Variants in TMOD3 observed in about 807,000 individuals in gnomAD.
The protein encoded by TMOD3 is tropomodulin 3.
TMOD3 carries 20 observed loss-of-function variants against 39.2 expected under a neutral mutation model. The observed-to-expected ratio is 0.51, with a 90% CI of 0.36 to 0.74. TMOD3 has a LOEUF of 0.74. Among genes scored for constraint, TMOD3 ranks in the 30% least tolerant of loss-of-function variants. The pLI is 0.00. For missense variants in TMOD3, 381 were observed against 412.8 expected (o/e 0.92, Z 0.67); for synonymous variants, 143 against 145.8 (o/e 0.98, Z 0.14).
At chr15:51,835,832 A>C (rs1314285275) in intron 1 of TMOD3, among the ~76,000 whole-genome samples, 2 of 152,010 alleles carry the variant, frequency 1.3e-5, no homozygotes. Flanking sequence ...ATTCATTCTC[A>C]TACGTATTTT....
chr15:51,898,852 C>G (rs560159710), intron 7 of TMOD3, among the ~76,000 whole-genome samples: 1 of 152,030 alleles, frequency 6.6e-6, no homozygotes, highest in East Asian at 1.9e-4. Flanking sequence ...CTTCCTACCT[C>G]TGTCTCTTTT....
intron 3 of TMOD3, among the ~76,000 whole-genome samples, chr15:51,882,756 A>G (rs968475257): frequency 3.9e-5 from 6 of 152,150 alleles, no homozygotes; most frequent in South Asian, 2.1e-4. Context: ...AAGTCTTACA[A>G]CTGTGTTCTT....
intron 2 of TMOD3, among the ~76,000 whole-genome samples, chr15:51,864,206 C>T (rs947146725): frequency 1.4e-5 from 2 of 143,690 alleles, no homozygotes; most frequent in African/African-American, 5.2e-5. Context: ...GTGGAAGTTG[C>T]AGTGAGCCGA....
intron 3 of TMOD3, 167 bp from the exon 4 acceptor site, chr15:51,887,422 A>C: frequency 1.4e-6 from 1 of 739,346 alleles, no homozygotes; most frequent in Non-Finnish European, 2.1e-6. Context: ...TTTACAGCCA[A>C]AATATTACGC....
At chr15:51,898,269 C>G (rs1401045310) in intron 7 of TMOD3, among the ~76,000 whole-genome samples, 1 of 152,182 alleles carries the variant, frequency 6.6e-6, no homozygotes, top group Non-Finnish European at 1.5e-5. Context: ...CTGCCTTGAA[C>G]TTTCTTCCTA....
Position 51,908,823 on chromosome 15 carries a change from G to A in TMOD3, c.*13G>A, listed in dbSNP as rs529994559. 1.4e-5 allele frequency: 23 copies of A among 1,601,608 alleles called. 1 individual carries two copies. In the South Asian group the frequency reaches 2.4e-4, roughly 17 times the overall value. The stretch of plus-strand genomic sequence containing the variant: ...AGATCACCAGTAAGTCTGCAAAGGT[G>A]TAATCTTTGGAAGACTTCAGAAGAT... On this transcript the variant is annotated 3_prime_UTR_variant, in exon 10 of 10. Transcript: ENST00000308580.
intron 2 of TMOD3, among the ~76,000 whole-genome samples, chr15:51,863,368 G>T (rs2056428965): frequency 6.6e-6 from 1 of 152,164 alleles, no homozygotes; most frequent in Non-Finnish European, 1.5e-5. Flanking sequence ...TCTATGCCAG[G>T]TGGCTCCAGT....
intron 1 of TMOD3, among the ~76,000 whole-genome samples, chr15:51,847,310 A>G (rs534228224): frequency 1.3e-5 from 2 of 152,292 alleles, no homozygotes; most frequent in East Asian, 3.9e-4. Context: ...TCAGATTTCA[A>G]ACTATTTTCT....
At chr15:51,859,894 A>G in intron 1 of TMOD3, 2 of 538,616 alleles carry the variant, frequency 3.7e-6, no homozygotes, top group South Asian at 1.4e-5. Context: ...GCTTGAGTTC[A>G]TGTGCCCTTC....
At chr15:51,899,955 C>T (rs1157317972) in intron 7 of TMOD3, among the ~76,000 whole-genome samples, 200 bp from the exon 8 acceptor site, 1 of 152,192 alleles carries the variant, frequency 6.6e-6, no homozygotes, top group Non-Finnish European at 1.5e-5. Flanking sequence ...ATTTTGGTAT[C>T]TGCAGATGGT....
intron 3 of TMOD3, among the ~76,000 whole-genome samples, chr15:51,885,078 A>C (rs2056553129): frequency 6.6e-6 from 1 of 152,124 alleles, no homozygotes; most frequent in African/African-American, 2.4e-5. Flanking sequence ...GTTTAAACCA[A>C]CTTTAATTGG....
intron 3 of TMOD3, among the ~76,000 whole-genome samples, chr15:51,874,583 G>A (rs1296832080): frequency 6.6e-6 from 1 of 152,174 alleles, no homozygotes; most frequent in East Asian, 1.9e-4. Flanking sequence ...TACATAGCAT[G>A]CATATTCTGT....
At chr15:51,894,303 C>G (rs939647664) in intron 6 of TMOD3, among the ~76,000 whole-genome samples, 4 of 152,150 alleles carry the variant, frequency 2.6e-5, no homozygotes, top group Non-Finnish European at 2.9e-5. Context: ...GTAATCCCAG[C>G]TACTTGGGAG....
intron 9 of TMOD3, 57 bp from the exon 10 acceptor site, chr15:51,908,719 T>A: frequency 6.9e-7 from 1 of 1,446,662 alleles, no homozygotes; most frequent in Non-Finnish European, 9.5e-7. Flanking sequence ...ATAAGCAAGT[T>A]ACCATTGTAA....
chr15:51,835,602 C>T (rs920516177), intron 1 of TMOD3, among the ~76,000 whole-genome samples: 2 of 152,220 alleles, frequency 1.3e-5, no homozygotes, highest in African/African-American at 4.8e-5. Flanking sequence ...AGCCACCACA[C>T]CCAGCCTTAG....
chr15:51,862,422 A>G (rs561269392), intron 1 of TMOD3, among the ~76,000 whole-genome samples: 15 of 152,352 alleles, frequency 9.8e-5, no homozygotes, highest in African/African-American at 3.6e-4. Flanking sequence ...TAAACAATAT[A>G]TAGTAAAACA....
rs869172248 is a variant in TMOD3 at position 51,905,950 on chromosome 15, C to CAAAAA, written c.1025-2800_1025-2796dup. On this transcript the variant is annotated intron_variant, in intron 9 of 9. Transcript: ENST00000308580. ...TGGGCAACAGAGCGAGACTCCGTCT[C>CAAAAA]AAAAAAAAAAAAAAAAAAAAAAAAA... Among the ~76,000 whole-genome samples, 265 of 64,728 alleles carry CAAAAA rather than the reference C, an allele frequency of 4.1e-3. 5 individuals carry two copies. The highest frequency in any genetic ancestry group is 8.0e-3 in the African/African-American group (133 of 16,584). The allele number at this position is 64,728 out of a possible 152,430, so 42.5% of individuals were successfully genotyped here.
chr15:51,895,703 A>T (rs1027135158), intron 6 of TMOD3, among the ~76,000 whole-genome samples: 1 of 152,170 alleles, frequency 6.6e-6, no homozygotes, highest in Non-Finnish European at 1.5e-5. Context: ...TTTGTAGCTT[A>T]AACTAAGTGA....
At chr15:51,899,114 ACC>A (rs1320531308) in intron 7 of TMOD3, 1 of 152,158 alleles carries the variant, frequency 6.6e-6, no homozygotes, top group Non-Finnish European at 1.5e-5. Context: ...TTCTGCCTTG[ACC>A]ATTTCTTTTG....
Sources: gnomAD v4.1 joint callset for allele counts (sites outside exome capture counted in the v4.1 genomes callset) on GRCh38, gnomAD v4.1.1 for gene constraint, MANE v1.5 for transcripts, NCBI Gene and HGNC (gene_info 2026-07-23, HGNC 2026-07-21) for gene names.